RASGRF2: variants seen among roughly 807,000 people sequenced by gnomAD.
RASGRF2 encodes the protein ras-specific guanine nucleotide-releasing factor 2.
A neutral mutation model predicts 151.0 loss-of-function variants in RASGRF2; 76 were observed. The observed-to-expected ratio is 0.50, with a 90% CI of 0.42 to 0.61. The LOEUF is 0.61. Ranked by LOEUF, RASGRF2 falls within the 20% of genes least tolerant of loss-of-function variation. The pLI is 0.00. For synonymous variants in RASGRF2, 504 were observed against 566.5 expected, an observed-to-expected ratio of 0.89 and a Z score of 1.57; for missense variants, 1,148 against 1,564.6, an observed-to-expected ratio of 0.73 and a Z score of 4.49.
intron 1 of RASGRF2, among the ~76,000 whole-genome samples, chr5:80,964,761 G>C (rs1747671497): frequency 6.6e-6 from 1 of 152,044 alleles, no homozygotes; most frequent in Non-Finnish European, 1.5e-5. Context: ...CATGTTCAAA[G>C]AAAAACGGGA....
In RASGRF2 at chr5:81,019,429, C is replaced by T. The variant is rs1749756324; in HGVS notation, c.289-23448C>T. 3 of 152,194 alleles carry T rather than the reference C, an allele frequency of 2.0e-5. No homozygotes were observed. In the South Asian group the frequency reaches 6.2e-4, roughly 32 times the overall value. 9.4% of individuals were successfully genotyped at this position (152,194 alleles called of 1,614,324 possible). A position where few individuals can be genotyped will look rare whatever the true frequency, so the allele number is the denominator to read the frequency against. ...TTTGAAAGGCAGCCACTTCTTTATC[C>T]ATCTAGCATCTGACTTGTGAGGTTA... On this transcript the variant is annotated intron_variant, in intron 1 of 26. Coordinates refer to ENST00000265080, the MANE Select transcript of RASGRF2 (RefSeq NM_006909.3).
intron 19 of RASGRF2, among the ~76,000 whole-genome samples, chr5:81,206,365 C>T (rs909007075): frequency 2.0e-5 from 3 of 152,160 alleles, no homozygotes; most frequent in Non-Finnish European, 4.4e-5. Context: ...ACATAGGAAC[C>T]CCCTGTGCTT....
At chr5:81,191,399 C>T (rs1047436400) in intron 18 of RASGRF2, among the ~76,000 whole-genome samples, 2 of 152,046 alleles carry the variant, frequency 1.3e-5, no homozygotes, top group Admixed American at 6.6e-5. Flanking sequence ...AGGATGCACC[C>T]ACCAGCTTTC....
chr5:80,994,939 A>G (rs536050), intron 1 of RASGRF2, among the ~76,000 whole-genome samples: 69,435 of 151,968 alleles, frequency 0.46, 16,533 homozygotes, highest in African/African-American at 0.58. Context: ...CGATTAACAT[A>G]TGGAATATTT....
chr5:80,974,175 A>C (rs1748034398), intron 1 of RASGRF2, among the ~76,000 whole-genome samples: 2 of 152,184 alleles, frequency 1.3e-5, no homozygotes. Flanking sequence ...GAGAGTATCT[A>C]TGCAATTGTT....
intron 17 of RASGRF2, among the ~76,000 whole-genome samples, chr5:81,159,354 A>G (rs770483222): frequency 1.3e-5 from 2 of 152,256 alleles, no homozygotes; most frequent in Admixed American, 6.5e-5. Context: ...AACAGACAGT[A>G]TATGAATGCA....
intron 12 of RASGRF2, among the ~76,000 whole-genome samples, chr5:81,102,400 T>G (rs1021318714): frequency 1.3e-5 from 2 of 152,214 alleles, no homozygotes; most frequent in Non-Finnish European, 2.9e-5. Context: ...ATCTTCTTTT[T>G]AAAAATGAAT....
At chr5:81,167,302 G>A (rs1754534249) in intron 17 of RASGRF2, among the ~76,000 whole-genome samples, 1 of 152,170 alleles carries the variant, frequency 6.6e-6, no homozygotes, top group Admixed American at 6.5e-5. Flanking sequence ...TCAGTCCTGA[G>A]GACTGGAGGC....
At chr5:81,170,154 C>G (rs1580377016) in intron 17 of RASGRF2, among the ~76,000 whole-genome samples, 2 of 152,228 alleles carry the variant, frequency 1.3e-5, no homozygotes, top group East Asian at 3.9e-4. Context: ...CCTGCACCAC[C>G]TGCATCACTT....
chr5:80,981,794 G>A (rs1475942489), intron 1 of RASGRF2, among the ~76,000 whole-genome samples: 1 of 152,092 alleles, frequency 6.6e-6, no homozygotes, highest in Non-Finnish European at 1.5e-5. Context: ...GCAAACTCCT[G>A]GCCTCGAGTG....
intron 17 of RASGRF2, 81 bp downstream of exon 17, chr5:81,127,244 G>T (rs1450302554): frequency 4.3e-6 from 6 of 1,383,830 alleles, no homozygotes; most frequent in Non-Finnish European, 6.0e-6. Context: ...GTCTTGATGA[G>T]ACACTCGGCA....
At chr5:81,105,022 C>T (rs1258747397) in intron 12 of RASGRF2, among the ~76,000 whole-genome samples, 1 of 152,086 alleles carries the variant, frequency 6.6e-6, no homozygotes, top group Non-Finnish European at 1.5e-5. Flanking sequence ...GTCTTGAGAC[C>T]CCCTTCCTCT....
intron 18 of RASGRF2, among the ~76,000 whole-genome samples, chr5:81,192,126 A>C (rs1755164860): frequency 6.6e-6 from 1 of 152,150 alleles, no homozygotes; most frequent in Non-Finnish European, 1.5e-5. Flanking sequence ...TCATTCTACA[A>C]ACGTTTGAGG....
chr5:81,170,250 C>T (rs1754629450), intron 17 of RASGRF2, among the ~76,000 whole-genome samples: 1 of 152,280 alleles, frequency 6.6e-6, no homozygotes, highest in Non-Finnish European at 1.5e-5. Context: ...TCACCTGCAT[C>T]ACTACCTCAC....
chr5:81,048,128 A>C (rs570207097), intron 2 of RASGRF2, among the ~76,000 whole-genome samples: 2 of 152,204 alleles, frequency 1.3e-5, no homozygotes, highest in Admixed American at 6.5e-5. Flanking sequence ...AAAATGTTTC[A>C]TGTGTCACAG....
intron 1 of RASGRF2, among the ~76,000 whole-genome samples, chr5:81,030,821 G>C (rs1237018395): frequency 6.6e-6 from 1 of 152,170 alleles, no homozygotes; most frequent in Non-Finnish European, 1.5e-5. Context: ...AAATGTAAAT[G>C]GGCTAAATGC....
chr5:81,166,426 G>T (rs1236254484), intron 17 of RASGRF2, among the ~76,000 whole-genome samples: 1 of 152,120 alleles, frequency 6.6e-6, no homozygotes, highest in African/African-American at 2.4e-5. Context: ...GACCTCAGGA[G>T]ATCCACCCAC....
In RASGRF2 at chr5:81,140,386, A is replaced by G. The variant is rs543416426; in HGVS notation, c.2686+13223A>G. Among the ~76,000 whole-genome samples the G allele has an allele frequency of 4.5e-4, 69 of 152,138 alleles. 2 individuals are homozygous for G. The South Asian group carries it at 0.012, about 26-fold the overall frequency. The stretch of plus-strand genomic sequence containing the variant: ...TATTTCACTAAAGACCAGTACTTTA[A>G]CAATGGTCCCAAGTCCTATTTTTAA... On this transcript the variant is annotated intron_variant, in intron 17 of 26. Coordinates refer to ENST00000265080, the MANE Select transcript of RASGRF2 (RefSeq NM_006909.3).
At chr5:81,087,577 G>A (rs1752275068) in intron 9 of RASGRF2, 1 of 563,772 alleles carries the variant, frequency 1.8e-6, no homozygotes. Flanking sequence ...GAAGATATTT[G>A]TGCCGGAAAC....
Sources: allele counts gnomAD v4.1 joint callset (sites outside exome capture counted in the v4.1 genomes callset), GRCh38; gene constraint gnomAD v4.1.1; transcripts MANE v1.5; gene names NCBI Gene and HGNC (gene_info 2026-07-23, HGNC 2026-07-21).